Variants in KANSL1 observed in about 807,000 individuals in gnomAD.
KANSL1 encodes MLL1/MLL complex subunit KANSL1.
In KANSL1, 22 loss-of-function variants were observed where a neutral mutation model predicts 103.6. That is an observed-to-expected ratio of 0.21 (90% confidence interval 0.15 to 0.30). KANSL1 has a LOEUF of 0.30. Among genes scored for constraint, KANSL1 ranks in the 10% least tolerant of loss-of-function variants. The pLI is 1.00. For missense variants in KANSL1, 1,337 were observed against 1,399.8 expected (o/e 0.96, Z 0.72); for synonymous variants, 600 against 527.6 (o/e 1.14, Z -1.88).
At chr17:46,145,032 G>A (rs2147408084) in intron 2 of KANSL1, among the ~76,000 whole-genome samples, 1 of 152,312 alleles carries the variant, frequency 6.6e-6, no homozygotes, top group South Asian at 2.1e-4. Context: ...CTCCTTATTT[G>A]GTGGTTAGAG....
chr17:46,084,274 C>G (rs2079082144), intron 3 of KANSL1, among the ~76,000 whole-genome samples: 2 of 151,974 alleles, frequency 1.3e-5, no homozygotes, highest in African/African-American at 4.8e-5. Context: ...CCCAGCTACT[C>G]GGAAGGCTGA....
At position 46,036,081 on chromosome 17, in the gene KANSL1, T is replaced by TTTTG. The variant is rs576350137; in HGVS notation, c.2542-1800_2542-1797dup. Among the ~76,000 whole-genome samples, 158 of 151,584 alleles carry TTTTG rather than the reference T, an allele frequency of 1.0e-3. No individual in the cohort carries two copies. The East Asian group carries it at 0.023, about 22-fold the overall frequency. Reference sequence around the variant, plus strand: ...CCCCCGCTCTTTTATAAAATCAGAATTTTGTTTGTTTGTTTGTTTAAGAGA... The same window carrying TTTTG: ...CCCCCGCTCTTTTATAAAATCAGAATTTTGTTTGTTTGTTTGTTTGTTTAAGAGA... On this transcript the variant is annotated intron_variant, in intron 10 of 14. Transcript: ENST00000432791.
At chr17:46,043,047 A>G (rs905065605) in intron 7 of KANSL1, 3 of 152,186 alleles carry the variant, frequency 2.0e-5, no homozygotes, top group Admixed American at 2.0e-4. Context: ...TAGGAAATAA[A>G]GCATTGTCTA....
chr17:46,217,457 CAA>C (rs1365348659), intron 1 of KANSL1, among the ~76,000 whole-genome samples: 2 of 145,308 alleles, frequency 1.4e-5, no homozygotes, highest in African/African-American at 2.6e-5. Flanking sequence ...GCCTGGGCAA[CAA>C]AGAGAGACTC....
At chr17:46,176,902 C>T (rs987845192) in intron 1 of KANSL1, among the ~76,000 whole-genome samples, 1 of 152,074 alleles carries the variant, frequency 6.6e-6, no homozygotes, top group Non-Finnish European at 1.5e-5. Flanking sequence ...GTGCAGAGAA[C>T]AGGAAAAAGT....
intron 2 of KANSL1, among the ~76,000 whole-genome samples, chr17:46,147,134 T>C (rs2044752529): frequency 6.6e-6 from 1 of 152,242 alleles, no homozygotes; most frequent in Non-Finnish European, 1.5e-5. Context: ...CAGAATGACC[T>C]TGAAAAGCCA....
At position 46,172,150 on chromosome 17, in the gene KANSL1, C is replaced by T; in HGVS notation, c.-7G>A. 6.2e-7 allele frequency: 1 copy of T among 1,600,640 alleles called. No individual in the cohort carries two copies. Among genetic ancestry groups the T allele is most frequent in the Non-Finnish European group, 8.5e-7 (1 of 1,179,340 alleles). On this transcript the variant is annotated 5_prime_UTR_variant, in exon 2 of 15. In the 5' UTR this introduces an upstream ATG that the reference lacks. Coordinates refer to ENST00000432791, the MANE Select transcript of KANSL1 (RefSeq NM_015443.4). ...CGGGCGCCATCGCAGCCATTCAGCA[C>T]AGAGAGACAGGAAGTCCAGCCTCTC...
At chr17:46,103,361 A>G (rs1167554448) in intron 2 of KANSL1, among the ~76,000 whole-genome samples, 1 of 152,188 alleles carries the variant, frequency 6.6e-6, no homozygotes, top group Non-Finnish European at 1.5e-5. Flanking sequence ...ATCCCTATGA[A>G]TTATTTTTAA....
At chr17:46,057,550 TAAC>T (rs2077977343) in intron 6 of KANSL1, among the ~76,000 whole-genome samples, 1 of 152,152 alleles carries the variant, frequency 6.6e-6, no homozygotes. Flanking sequence ...CAGTGGTTGA[TAAC>T]AAACAGTTTA....
chr17:46,056,525 T>G (rs1568395900), intron 6 of KANSL1, among the ~76,000 whole-genome samples: 1 of 152,130 alleles, frequency 6.6e-6, no homozygotes, highest in Non-Finnish European at 1.5e-5. Flanking sequence ...GATAAATAAC[T>G]CACAACAGTA....
At chr17:46,201,403 TA>T (rs2047800599) in intron 1 of KANSL1, among the ~76,000 whole-genome samples, 1 of 152,184 alleles carries the variant, frequency 6.6e-6, no homozygotes, top group African/African-American at 2.4e-5. Flanking sequence ...AACACAAATA[TA>T]TTACAGGTTG....
Position 46,171,344 on chromosome 17 carries a change from T to A in KANSL1, c.800A>T (p.Lys267Met). 5 of 1,614,150 alleles carry A rather than the reference T, an allele frequency of 3.1e-6. No individual in the cohort carries two copies. Among genetic ancestry groups the A allele is most frequent in the Non-Finnish European group, 4.2e-6 (5 of 1,180,036 alleles). ...NLGGVKLEGK[K>M]SPLSSILFSA... ...GAAAAGAATGGAAGACAGGGGAGAC[T>A]TTTTACCCTCCAATTTGACACCCCC... Residue 267 changes from lysine to methionine, a missense_variant, in exon 2 of 15, where the codon AAG becomes ATG. Lys to Met is a moderately conservative substitution (Grantham distance 95). Around this residue, in one of 2 missense-constraint regions of KANSL1, gnomAD observed 557 missense variants for 476.4 expected, o/e 1.17. Coordinates refer to ENST00000432791, the MANE Select transcript of KANSL1 (RefSeq NM_015443.4).
chr17:46,225,305 C>G (rs2048653044), upstream of KANSL1: 1 of 152,546 alleles, frequency 6.6e-6, no homozygotes, highest in Non-Finnish European at 1.5e-5. Flanking sequence ...CCAGGGGCAC[C>G]AGTGCCAAAG....
chr17:46,146,497 C>T (rs2044708253), intron 2 of KANSL1, among the ~76,000 whole-genome samples: 1 of 152,286 alleles, frequency 6.6e-6, no homozygotes, highest in African/African-American at 2.4e-5. Flanking sequence ...GTAGGGCTAC[C>T]CCATAGGCAG....
At chr17:46,145,917 CAG>C (rs1392177867) in intron 2 of KANSL1, among the ~76,000 whole-genome samples, 4 of 152,160 alleles carry the variant, frequency 2.6e-5, no homozygotes, top group African/African-American at 9.7e-5. Context: ...TTAGTAGAGA[CAG>C]GGTTTCACCA....
intron 1 of KANSL1, among the ~76,000 whole-genome samples, chr17:46,181,127 A>T (rs1325049679): frequency 6.6e-6 from 1 of 152,266 alleles, no homozygotes; most frequent in Non-Finnish European, 1.5e-5. Context: ...AGAAATGTGA[A>T]GGGGCCAGTC....
intron 2 of KANSL1, among the ~76,000 whole-genome samples, chr17:46,148,774 C>G (rs1020374314): frequency 1.3e-5 from 2 of 151,544 alleles, no homozygotes; most frequent in African/African-American, 4.9e-5. Context: ...TTAGTAGCGA[C>G]AGGGTTTAAC....
chr17:46,097,439 C>G (rs1225354213), intron 2 of KANSL1, among the ~76,000 whole-genome samples: 2 of 152,164 alleles, frequency 1.3e-5, no homozygotes, highest in Non-Finnish European at 2.9e-5. Flanking sequence ...ATACAGATAA[C>G]TGATGAATAT....
chr17:46,196,034 G>T, upstream of KANSL1: 1 of 240,630 alleles, frequency 4.2e-6, no homozygotes, highest in Non-Finnish European at 8.3e-6. Flanking sequence ...TTGAGCTCCG[G>T]AGTTAGAGAC....
Sources: gnomAD v4.1 joint callset for allele counts (sites outside exome capture counted in the v4.1 genomes callset) on GRCh38, gnomAD v4.1.1 for gene constraint, gnomAD v4.1.1 regional missense constraint, MANE v1.5 for transcripts, NCBI Gene and HGNC (gene_info 2026-07-23, HGNC 2026-07-21) for gene names.